The following CEP63 variants were observed in gnomAD, a reference collection of about 807,000 sequenced individuals.
The protein encoded by CEP63 is centrosomal protein of 63 kDa.
A neutral mutation model predicts 89.1 loss-of-function variants in CEP63; 84 were observed. That is an observed-to-expected ratio of 0.94 (90% confidence interval 0.79 to 1.13). The LOEUF (loss-of-function observed/expected upper bound fraction) is 1.13. CEP63 is among the 50% of genes most tolerant of loss of function. CEP63 has a pLI of 0.00. For synonymous variants in CEP63, 267 were observed against 272.5 expected (o/e 0.98, Z 0.20); for missense variants, 838 against 813.3 (o/e 1.03, Z -0.37).
At chr3:134,497,343 C>G (rs1000047106) in intron 2 of CEP63, among the ~76,000 whole-genome samples, 1 of 152,058 alleles carries the variant, frequency 6.6e-6, no homozygotes, top group Non-Finnish European at 1.5e-5. Context: ...TTTGCCTTGA[C>G]CAGTGTACTG....
chr3:134,544,077 C>G (rs1336729710), intron 6 of CEP63, among the ~76,000 whole-genome samples: 1 of 152,080 alleles, frequency 6.6e-6, no homozygotes, highest in Non-Finnish European at 1.5e-5. Context: ...AAGTTTTTAG[C>G]ATCTACTTTA....
chr3:134,610,460 C>T, the CEP63 span: 1 of 1,322,034 alleles, frequency 7.6e-7, no homozygotes, highest in Non-Finnish European at 1.1e-6. Context: ...TCTCAGGTTT[C>T]AGGCATGTTT....
chr3:134,567,860 C>T (rs1002241976), downstream of CEP63, among the ~76,000 whole-genome samples: 4 of 152,186 alleles, frequency 2.6e-5, no homozygotes, highest in Non-Finnish European at 4.4e-5. Flanking sequence ...GAATGCTTGG[C>T]GCTAACCTCA....
downstream of CEP63, among the ~76,000 whole-genome samples, chr3:134,589,518 G>A (rs1958556214): frequency 6.6e-6 from 1 of 150,576 alleles, no homozygotes; most frequent in Admixed American, 6.6e-5. Context: ...GAAATAAAAG[G>A]TAGAATGACA....
chr3:134,573,136 G>A (rs1958082573), intron 11 of CEP63, among the ~76,000 whole-genome samples: 1 of 152,128 alleles, frequency 6.6e-6, no homozygotes, highest in African/African-American at 2.4e-5. Context: ...AGTTGTTTAA[G>A]TTCCTTATAG....
chr3:134,549,826 A>G (rs1322066345), intron 10 of CEP63, among the ~76,000 whole-genome samples: 1 of 152,170 alleles, frequency 6.6e-6, no homozygotes, highest in African/African-American at 2.4e-5. Context: ...GGTCCTCAGC[A>G]CTTGAATAAC....
At chr3:134,684,996 G>T in the CEP63 span, among the ~76,000 whole-genome samples, 1 of 152,218 alleles carries the variant, frequency 6.6e-6, no homozygotes, top group Non-Finnish European at 1.5e-5. Flanking sequence ...GAGGAAGGAA[G>T]AAGGATTACA....
chr3:134,651,085 C>T, the CEP63 span: 1 of 1,530,160 alleles, frequency 6.5e-7, no homozygotes, highest in Non-Finnish European at 8.8e-7. Flanking sequence ...GGCGCTCCCC[C>T]GCCGCTGGAG....
chr3:134,707,396 C>A, the CEP63 span, among the ~76,000 whole-genome samples: 1 of 152,152 alleles, frequency 6.6e-6, no homozygotes, highest in Non-Finnish European at 1.5e-5. Context: ...GTACAAGGTA[C>A]AGGGGCCAGA....
the CEP63 span, among the ~76,000 whole-genome samples, chr3:134,711,113 T>A: frequency 6.6e-6 from 1 of 152,158 alleles, no homozygotes; most frequent in Non-Finnish European, 1.5e-5. Flanking sequence ...GTCTTTTTAT[T>A]TCACCAAATT....
At chr3:134,776,705 G>A in the CEP63 span, among the ~76,000 whole-genome samples, 2 of 152,198 alleles carry the variant, frequency 1.3e-5, no homozygotes, top group Non-Finnish European at 2.9e-5. Context: ...TGATGGGTAG[G>A]GGTGCTGGAG....
At chr3:134,663,535 C>T in the CEP63 span, among the ~76,000 whole-genome samples, 1 of 152,192 alleles carries the variant, frequency 6.6e-6, no homozygotes, top group African/African-American at 2.4e-5. Context: ...TGCTGCTGCC[C>T]ACAAACCCCG....
chr3:134,639,391 G>A, the CEP63 span, among the ~76,000 whole-genome samples: 1 of 152,204 alleles, frequency 6.6e-6, no homozygotes, highest in Non-Finnish European at 1.5e-5. Flanking sequence ...GCTCAGGGCT[G>A]TGACTGGGCA....
the CEP63 span, chr3:134,643,412 C>T: frequency 2.5e-6 from 4 of 1,594,168 alleles, no homozygotes; most frequent in South Asian, 4.4e-5. Context: ...CTGCAGTGAC[C>T]ACTGGGGAAT....
the CEP63 span, among the ~76,000 whole-genome samples, chr3:134,691,039 G>C: frequency 6.6e-6 from 1 of 152,130 alleles, no homozygotes; most frequent in Non-Finnish European, 1.5e-5. Context: ...GTGAGCCACC[G>C]TGCCTGGCCA....
chr3:134,526,398 T>C (rs1948645908), intron 3 of CEP63, among the ~76,000 whole-genome samples: 2 of 152,250 alleles, frequency 1.3e-5, no homozygotes, highest in East Asian at 3.9e-4. Context: ...TTTGCTATTA[T>C]TACTTGTGAT....
At chr3:134,543,596 T>C (rs192314118) in intron 6 of CEP63, among the ~76,000 whole-genome samples, 1 of 152,340 alleles carries the variant, frequency 6.6e-6, no homozygotes, top group Admixed American at 6.5e-5. Flanking sequence ...AGATCACAGA[T>C]TTGAGTTGAT....
the CEP63 span, among the ~76,000 whole-genome samples, chr3:134,718,704 A>G: frequency 1.3e-5 from 2 of 152,188 alleles, no homozygotes; most frequent in African/African-American, 4.8e-5. Flanking sequence ...TCTCCTCACC[A>G]TGCAGGTTAC....
the CEP63 span, among the ~76,000 whole-genome samples, chr3:134,632,160 A>G: frequency 6.6e-6 from 1 of 152,104 alleles, no homozygotes; most frequent in Admixed American, 6.5e-5. Context: ...ACAAATCTAC[A>G]ATTATAGTTC....
Sources: allele counts gnomAD v4.1 joint callset (sites outside exome capture counted in the v4.1 genomes callset), GRCh38; gene constraint gnomAD v4.1.1; transcripts MANE v1.5; gene names NCBI Gene and HGNC (gene_info 2026-07-23, HGNC 2026-07-21).